CFAP299: variants seen among roughly 807,000 people sequenced by gnomAD.
CFAP299 encodes cilia and flagella associated protein 299, also known as cilia- and flagella-associated protein 299.
In CFAP299, 21 loss-of-function variants were observed where a neutral mutation model predicts 27.0. The ratio of observed to expected loss-of-function variants is 0.78; its 90% confidence interval spans 0.55 to 1.12. The LOEUF (loss-of-function observed/expected upper bound fraction) is 1.12. Among genes scored for constraint, CFAP299 ranks in the 50% most tolerant of loss-of-function variants. CFAP299 has a pLI of 0.00. For synonymous variants in CFAP299, 104 were observed against 98.1 expected (o/e 1.06, Z -0.36); for missense variants, 310 against 276.6 (o/e 1.12, Z -0.86).
At chr4:80,777,176 CT>C (rs1726595995) in intron 3 of CFAP299, among the ~76,000 whole-genome samples, 1 of 152,106 alleles carries the variant, frequency 6.6e-6, no homozygotes, top group Admixed American at 6.6e-5. Flanking sequence ...GCACATTACT[CT>C]TATAGAGAAG....
In CFAP299 at chr4:80,614,841, G is replaced by T. The variant is rs112846788; in HGVS notation, c.333+31658G>T. On this transcript the variant is annotated intron_variant, in intron 3 of 5. Coordinates refer to ENST00000358105, the MANE Select transcript of CFAP299 (RefSeq NM_152770.3). Reference sequence around the variant, plus strand: ...TTTGAAGTTGAAATGTTTTGAAATGGTATCTGAACAGCAGAGAAAAACACA... The same window carrying T: ...TTTGAAGTTGAAATGTTTTGAAATGTTATCTGAACAGCAGAGAAAAACACA... 1.0e-3 allele frequency among the ~76,000 whole-genome samples: 154 copies of T among 152,248 alleles called. No individual in the cohort carries two copies. In the South Asian group the frequency reaches 0.014, roughly 14 times the overall value.
intron 1 of CFAP299, among the ~76,000 whole-genome samples, chr4:80,358,456 G>A (rs1723380161): frequency 6.6e-6 from 1 of 152,128 alleles, no homozygotes; most frequent in African/African-American, 2.4e-5. Flanking sequence ...CTATTATTGT[G>A]TGGGAGTCTA....
chr4:80,420,077 T>C (rs1190510175), intron 2 of CFAP299: 3 of 392,396 alleles, frequency 7.6e-6, no homozygotes, highest in African/African-American at 2.1e-5. Flanking sequence ...AAGCAGGTTA[T>C]GGTGGCAGAA....
intron 5 of CFAP299, among the ~76,000 whole-genome samples, chr4:80,957,609 A>G (rs1185225460): frequency 6.6e-6 from 1 of 152,248 alleles, no homozygotes; most frequent in African/African-American, 2.4e-5. Flanking sequence ...CAATGCAAAA[A>G]TGCATTGTAT....
intron 3 of CFAP299, among the ~76,000 whole-genome samples, chr4:80,691,721 G>C (rs1159281301): frequency 6.6e-6 from 1 of 151,794 alleles, no homozygotes; most frequent in Non-Finnish European, 1.5e-5. Context: ...AGGAAATAAA[G>C]GGTATTCAAT....
At chr4:80,957,490 A>G (rs1428048165) in intron 5 of CFAP299, among the ~76,000 whole-genome samples, 2 of 152,212 alleles carry the variant, frequency 1.3e-5, no homozygotes, top group East Asian at 3.8e-4. Flanking sequence ...TCATTAATTA[A>G]TGAGGGACCA....
chr4:80,817,373 T>G (rs533690690), intron 3 of CFAP299, among the ~76,000 whole-genome samples: 170 of 152,214 alleles, frequency 1.1e-3, no homozygotes, highest in African/African-American at 4.0e-3. Flanking sequence ...TGTATTAATA[T>G]TAACATATGA....
intron 2 of CFAP299, among the ~76,000 whole-genome samples, chr4:80,484,087 T>C (rs1235460508): frequency 3.3e-5 from 5 of 152,126 alleles, no homozygotes; most frequent in Admixed American, 6.5e-5. Context: ...CTTGTGTTTA[T>C]TTACCTTGTT....
At position 80,583,111 on chromosome 4, in the gene CFAP299, T is replaced by G. The variant is rs757609223; in HGVS notation, c.261T>G (p.Gly87=). The G allele has an allele frequency of 6.2e-7, 1 of 1,604,092 alleles. No individual in the cohort carries two copies. The highest frequency in any genetic ancestry group is 8.5e-7 in the Non-Finnish European group (1 of 1,173,696). Residue 87 remains glycine, a synonymous_variant, in exon 3 of 6, where the codon GGT becomes GGG. Coordinates refer to ENST00000358105, the MANE Select transcript of CFAP299 (RefSeq NM_152770.3). ...RAQQKTLTSA[G]KDLQDNFLTA... ...TTTACAGGACGCTAACAAGTGCTGG[T>G]AAAGACCTACAAGATAATTTTCTGA... is the stretch of plus-strand genomic sequence containing the variant.
intron 3 of CFAP299, among the ~76,000 whole-genome samples, chr4:80,744,000 G>GT (rs1399723617): frequency 6.6e-6 from 1 of 152,068 alleles, no homozygotes; most frequent in Non-Finnish European, 1.5e-5. Flanking sequence ...ACAGATGTGA[G>GT]TTTTCCACAA....
intron 2 of CFAP299, among the ~76,000 whole-genome samples, chr4:80,485,079 A>T (rs945685977): frequency 6.6e-6 from 1 of 152,092 alleles, no homozygotes. Context: ...TAGGCTTAAC[A>T]TCAGTACGTG....
chr4:80,937,298 C>CT (rs1203322592), intron 4 of CFAP299, among the ~76,000 whole-genome samples: 1,127 of 94,050 alleles, frequency 0.012, 28 homozygotes, highest in East Asian at 0.086. Context: ...TTTCTTTTTT[C>CT]TTTTTTTTTC....
At position 80,372,027 on chromosome 4, in the gene CFAP299, G is replaced by C. The variant is rs576426289; in HGVS notation, c.242+9143G>C. ...GCTATAAAGAAATAACTAAGACTGGGTAATTTATAAAGAAAAGAGGTTTAA... is the reference window on the plus strand; with the variant it reads ...GCTATAAAGAAATAACTAAGACTGGCTAATTTATAAAGAAAAGAGGTTTAA... On this transcript the variant is annotated intron_variant, in intron 2 of 5. Coordinates refer to ENST00000358105, the MANE Select transcript of CFAP299 (RefSeq NM_152770.3). Among the ~76,000 whole-genome samples the C allele has an allele frequency of 1.1e-3, 170 of 152,284 alleles. 1 individual carries two copies. The highest frequency in any genetic ancestry group is 2.1e-3 in the Non-Finnish European group (141 of 68,022).
intron 3 of CFAP299, among the ~76,000 whole-genome samples, chr4:80,687,165 G>C (rs770350392): frequency 1.1e-4 from 17 of 152,090 alleles, no homozygotes; most frequent in Non-Finnish European, 2.4e-4. Flanking sequence ...CCCATCACAA[G>C]ACTTCTTGCC....
intron 2 of CFAP299, among the ~76,000 whole-genome samples, chr4:80,546,419 A>G (rs113086600): frequency 3.7e-4 from 57 of 152,310 alleles, no homozygotes; most frequent in African/African-American, 1.3e-3. Flanking sequence ...GCTGCTTACC[A>G]AGGAGGTGAA....
chr4:80,410,001 T>C (rs1726639176), intron 2 of CFAP299, among the ~76,000 whole-genome samples: 2 of 152,148 alleles, frequency 1.3e-5, no homozygotes, highest in Non-Finnish European at 2.9e-5. Flanking sequence ...AGAAGTGATG[T>C]AAGGAATGGG....
intron 2 of CFAP299, chr4:80,388,653 A>G: frequency 8.1e-7 from 1 of 1,235,208 alleles, no homozygotes; most frequent in Non-Finnish European, 1.2e-6. Context: ...TCCAGTAATG[A>G]TGGGACAGCT....
chr4:80,508,842 G>A (rs980002088), intron 2 of CFAP299, among the ~76,000 whole-genome samples: 5 of 152,148 alleles, frequency 3.3e-5, no homozygotes, highest in African/African-American at 7.2e-5. Flanking sequence ...GCAGGCATGA[G>A]CCACACCACC....
At chr4:80,633,358 G>T (rs1362730016) in intron 3 of CFAP299, among the ~76,000 whole-genome samples, 1 of 152,148 alleles carries the variant, frequency 6.6e-6, no homozygotes, top group Non-Finnish European at 1.5e-5. Flanking sequence ...AGAATCGCTT[G>T]AAGCTGGGAG....
Sources: allele counts gnomAD v4.1 joint callset (sites outside exome capture counted in the v4.1 genomes callset), GRCh38; gene constraint gnomAD v4.1.1; transcripts MANE v1.5; gene names NCBI Gene and HGNC (gene_info 2026-07-23, HGNC 2026-07-21).